Variants in RFTN1 observed in about 807,000 individuals in gnomAD.
The protein encoded by RFTN1 is raftlin, lipid raft linker 1, also known as raftlin.
Under a neutral mutation model 46.5 loss-of-function variants are expected in RFTN1, and 26 were observed. The ratio of observed to expected loss-of-function variants is 0.56; its 90% CI spans 0.41 to 0.78. The LOEUF is 0.78. Among genes scored for constraint, RFTN1 ranks in the 30% least tolerant of loss-of-function variants. The pLI, the probability that RFTN1 is intolerant of heterozygous loss-of-function variation, is 0.00. For synonymous variants in RFTN1, 261 were observed against 284.2 expected (o/e 0.92, Z 0.82); for missense variants, 693 against 718.7 (o/e 0.96, Z 0.41).
chr3:16,434,393 C>CAAAAA (rs763361472), intron 2 of RFTN1, among the ~76,000 whole-genome samples: 16,413 of 113,106 alleles, frequency 0.15, 1,102 homozygotes, highest in Admixed American at 0.2. Flanking sequence ...AACAAACAAA[C>CAAAAA]AAAAACAAAA....
chr3:16,346,313 T>C lies in RFTN1; in HGVS notation c.1146+11619A>G, dbSNP rs1215019288. The C allele has an allele frequency of 6.6e-6, 1 of 152,218 alleles. No individual in the cohort carries two copies. The highest frequency in any genetic ancestry group is 1.5e-5 in the Non-Finnish European group (1 of 68,026). The allele number at this position is 152,218 out of a possible 1,614,324, so 9.4% of individuals were successfully genotyped here. On this transcript the variant is annotated intron_variant, in intron 7 of 9. Transcript: ENST00000334133. The surrounding 1 kb of genome is among the most constrained non-coding windows in gnomAD (Gnocchi z 4.4). ...AATATTTATTTGTTGGATAAATTTT[T>C]AAAAAGATATAACTTACTTGTATCA...
At chr3:16,354,366 T>C (rs1284415920) in intron 7 of RFTN1, among the ~76,000 whole-genome samples, 2 of 152,196 alleles carry the variant, frequency 1.3e-5, no homozygotes, top group Non-Finnish European at 2.9e-5. Context: ...TCCCACAAGA[T>C]CTCTCCTCCA....
At position 16,345,265 on chromosome 3, in the gene RFTN1, TGTG is replaced by T. The variant is rs2071572805; in HGVS notation, c.1146+12664_1146+12666del. On this transcript the variant is annotated intron_variant, in intron 7 of 9. Transcript: ENST00000334133. The surrounding 1 kb of genome is among the most constrained non-coding windows in gnomAD (Gnocchi z 5.2). ...AACTGTAAGATAATAAGTAGGTGGT[TGTG>T]TGTGTGTGTGTGTGTGTGTGTGTGT... 1.5e-3 allele frequency: 2 copies of T among 1,314 alleles called. No individual in the cohort carries two copies. Among genetic ancestry groups the T allele is most frequent in the Admixed American group, 0.026 (2 of 76 alleles). 0.1% of individuals were successfully genotyped at this position (1,314 alleles called of 1,614,324 possible). A position where few individuals can be genotyped will look rare whatever the true frequency, so the allele number is the denominator to read the frequency against.
chr3:16,458,173 A>G lies in RFTN1; in HGVS notation c.146-24136T>C, dbSNP rs1337541915. Among the ~76,000 whole-genome samples the G allele has an allele frequency of 6.6e-6, 1 of 152,240 alleles. No homozygotes were observed. The highest frequency in any genetic ancestry group is 1.5e-5 in the Non-Finnish European group (1 of 68,040). ...AACAACACAAAATAGACTAAGACAG[A>G]CATTCTTTGAGCACCTACTATGTGC... On this transcript the variant is annotated intron_variant, in intron 2 of 9. Coordinates refer to ENST00000334133, the MANE Select transcript of RFTN1 (RefSeq NM_015150.2). The surrounding 1 kb of genome is among the most constrained non-coding windows in gnomAD (Gnocchi z 5.1).
chr3:16,444,746 G>C (rs1211276603), intron 2 of RFTN1, among the ~76,000 whole-genome samples: 1 of 152,216 alleles, frequency 6.6e-6, no homozygotes, highest in Non-Finnish European at 1.5e-5. Flanking sequence ...TTTGTTATTG[G>C]TTTTGAACTT....
In RFTN1 at chr3:16,449,529, C is replaced by T. The variant is rs2075788768; in HGVS notation, c.146-15492G>A. Among the ~76,000 whole-genome samples the T allele has an allele frequency of 6.6e-6, 1 of 152,216 alleles. No individual in the cohort carries two copies. The highest frequency in any genetic ancestry group is 1.5e-5 in the Non-Finnish European group (1 of 68,036). ...ACCTGGAACTGGTAACTCCTCCATA[C>T]ACGGGAGCTGCTAAAATCATTGTTG... On this transcript the variant is annotated intron_variant, in intron 2 of 9. Transcript: ENST00000334133. This position sits in a 1 kb window ranked among gnomAD's most constrained non-coding sequence, Gnocchi z 5.1.
intron 7 of RFTN1, among the ~76,000 whole-genome samples, chr3:16,350,831 A>G (rs1376473082): frequency 6.6e-6 from 1 of 152,234 alleles, no homozygotes; most frequent in Non-Finnish European, 1.5e-5. Flanking sequence ...TCTCAGAACC[A>G]AAGTAATTAT....
At position 16,341,805 on chromosome 3, in the gene RFTN1, A is replaced by C. The variant is rs530705007; in HGVS notation, c.1147-14929T>G. 1.3e-5 allele frequency among the ~76,000 whole-genome samples: 2 copies of C among 152,336 alleles called. No individual in the cohort carries two copies. Among genetic ancestry groups the C allele is most frequent in the African/African-American group, 4.8e-5 (2 of 41,586 alleles). ...ATGAAGTAAAAGCCTAATAACAGAA[A>C]CATTTTCAGCATACAGTTACATACA... is the stretch of plus-strand genomic sequence containing the variant. On this transcript the variant is annotated intron_variant, in intron 7 of 9. Coordinates refer to ENST00000334133, the MANE Select transcript of RFTN1 (RefSeq NM_015150.2). The surrounding 1 kb of genome is among the most constrained non-coding windows in gnomAD (Gnocchi z 4.7).
chr3:16,426,817 A>C lies in RFTN1; in HGVS notation c.332+7034T>G, dbSNP rs1268982249. Among the ~76,000 whole-genome samples, 2 of 152,198 alleles carry C rather than the reference A, an allele frequency of 1.3e-5. No individual in the cohort carries two copies. The highest frequency in any genetic ancestry group is 2.9e-5 in the Non-Finnish European group (2 of 68,028). On this transcript the variant is annotated intron_variant, in intron 3 of 9. Transcript: ENST00000334133. This position sits in a 1 kb window ranked among gnomAD's most constrained non-coding sequence, Gnocchi z 5.9. ...CATAATGAATTTATGGTCCTTTAGT[A>C]AAAGATTGTAGCAAAATTCCAGGGC...
chr3:16,366,053 C>T (rs896952478), intron 6 of RFTN1, among the ~76,000 whole-genome samples: 4 of 145,576 alleles, frequency 2.7e-5, no homozygotes, highest in Non-Finnish European at 4.5e-5. Flanking sequence ...GTATGAGGAA[C>T]GAGGACAGGA....
At chr3:16,389,580 A>C (rs924067565) in intron 4 of RFTN1, among the ~76,000 whole-genome samples, 2 of 152,214 alleles carry the variant, frequency 1.3e-5, no homozygotes, top group Admixed American at 6.5e-5. Context: ...AATAACCCTT[A>C]TATTCAATAC....
At chr3:16,358,179 A>G (rs1419397626) in intron 6 of RFTN1, 132 bp from the exon 7 acceptor site, 1 of 632,450 alleles carries the variant, frequency 1.6e-6, no homozygotes, top group Non-Finnish European at 2.8e-6. Flanking sequence ...CATGTTAATT[A>G]AAGAAGGCAC....
intron 4 of RFTN1, among the ~76,000 whole-genome samples, chr3:16,391,751 A>G (rs1429756670): frequency 2.0e-5 from 3 of 152,148 alleles, no homozygotes; most frequent in Non-Finnish European, 4.4e-5. Flanking sequence ...TAATCAAATA[A>G]GGCTCTTTGA....
chr3:16,399,763 G>A (rs1320261673), intron 4 of RFTN1, among the ~76,000 whole-genome samples: 1 of 152,124 alleles, frequency 6.6e-6, no homozygotes, highest in African/African-American at 2.4e-5. Context: ...AGCTCATTCT[G>A]CAGTCATCCT....
chr3:16,356,045 T>C lies in RFTN1; in HGVS notation c.1146+1887A>G, dbSNP rs1004521501. Among the ~76,000 whole-genome samples the C allele has an allele frequency of 1.3e-5, 2 of 152,206 alleles. No homozygotes were observed. Among genetic ancestry groups the C allele is most frequent in the Non-Finnish European group, 2.9e-5 (2 of 68,032 alleles). ...GTTACGGAGCAAACTGAATGCCGGC[T>C]GCTCAGTCCTTCAGATCCTCAACTC... On this transcript the variant is annotated intron_variant, in intron 7 of 9. Coordinates refer to ENST00000334133, the MANE Select transcript of RFTN1 (RefSeq NM_015150.2). This position sits in a 1 kb window ranked among gnomAD's most constrained non-coding sequence, Gnocchi z 4.9.
intron 3 of RFTN1, among the ~76,000 whole-genome samples, chr3:16,417,586 A>T (rs1006820874): frequency 3.3e-5 from 5 of 151,960 alleles, no homozygotes; most frequent in African/African-American, 9.7e-5. Flanking sequence ...AACTGTGTGC[A>T]AACTCAGAGA....
Position 16,474,885 on chromosome 3 carries a change from C to G in RFTN1, c.145+18840G>C, listed in dbSNP as rs1313972770. Among the ~76,000 whole-genome samples the G allele has an allele frequency of 6.6e-6, 1 of 152,128 alleles. No homozygotes were observed. The highest frequency in any genetic ancestry group is 1.5e-5 in the Non-Finnish European group (1 of 68,010). The stretch of plus-strand genomic sequence containing the variant: ...AGGACTAGCCATCAAGGGGTAGAAG[C>G]AAAAATGGCTCCTCTCCTCTTAAAC... On this transcript the variant is annotated intron_variant, in intron 2 of 9. Coordinates refer to ENST00000334133, the MANE Select transcript of RFTN1 (RefSeq NM_015150.2). This position sits in a 1 kb window ranked among gnomAD's most constrained non-coding sequence, Gnocchi z 5.5.
At position 16,447,173 on chromosome 3, in the gene RFTN1, C is replaced by T. The variant is rs1012106416; in HGVS notation, c.146-13136G>A. Among the ~76,000 whole-genome samples, 1 of 152,196 alleles carries T rather than the reference C, an allele frequency of 6.6e-6. No homozygotes were observed. Among genetic ancestry groups the T allele is most frequent in the African/African-American group, 2.4e-5 (1 of 41,444 alleles). On this transcript the variant is annotated intron_variant, in intron 2 of 9. Coordinates refer to ENST00000334133, the MANE Select transcript of RFTN1 (RefSeq NM_015150.2). This position sits in a 1 kb window ranked among gnomAD's most constrained non-coding sequence, Gnocchi z 5.9. Reference sequence around the variant, plus strand: ...TCAGCAGTGCAGCCACAAAACCATTCACTAAGTCTACATAAAGTTCTATGC... The same window carrying T: ...TCAGCAGTGCAGCCACAAAACCATTTACTAAGTCTACATAAAGTTCTATGC...
At position 16,479,438 on chromosome 3, in the gene RFTN1, C is replaced by A. The variant is rs994761664; in HGVS notation, c.145+14287G>T. ...CAAGAAACAGTGGTAAGAAAAGAAACAGTTGGATCACCAGTCTGAGGGATA... is the reference window on the plus strand; with the variant it reads ...CAAGAAACAGTGGTAAGAAAAGAAAAAGTTGGATCACCAGTCTGAGGGATA... On this transcript the variant is annotated intron_variant, in intron 2 of 9. Coordinates refer to ENST00000334133, the MANE Select transcript of RFTN1 (RefSeq NM_015150.2). The surrounding 1 kb of genome is among the most constrained non-coding windows in gnomAD (Gnocchi z 5.1). Among the ~76,000 whole-genome samples the A allele has an allele frequency of 4.6e-5, 7 of 152,196 alleles. No homozygotes were observed. The highest frequency in any genetic ancestry group is 1.7e-4 in the African/African-American group (7 of 41,450).
Sources: allele counts gnomAD v4.1 joint callset (sites outside exome capture counted in the v4.1 genomes callset), GRCh38; gene constraint gnomAD v4.1.1; non-coding constraint Gnocchi (gnomAD v3.1); transcripts MANE v1.5; gene names NCBI Gene and HGNC (gene_info 2026-07-23, HGNC 2026-07-21).